Variants in SHROOM3 observed in about 807,000 individuals in gnomAD.
The protein encoded by SHROOM3 is protein Shroom3.
In SHROOM3, 47 loss-of-function variants were observed where a neutral mutation model predicts 138.6. The observed-to-expected ratio is 0.34, with a 90% CI of 0.27 to 0.43. SHROOM3 has a LOEUF of 0.43. Among genes scored for constraint, SHROOM3 ranks in the 20% least tolerant of loss-of-function variants. The pLI is 1.00. For missense variants in SHROOM3, 2,491 were observed against 2,596.5 expected, an observed-to-expected ratio of 0.96 and a Z score of 0.88; for synonymous variants, 1,062 against 1,063.3, an observed-to-expected ratio of 1.00 and a Z score of 0.02.
At chr4:76,750,224 G>A (rs962927280) in intron 6 of SHROOM3, among the ~76,000 whole-genome samples, 2 of 151,964 alleles carry the variant, frequency 1.3e-5, no homozygotes, top group African/African-American at 4.8e-5. Flanking sequence ...TAGAGACAAG[G>A]GAAAACTAAC....
In SHROOM3 at chr4:76,608,626, T is replaced by TATAGC. The variant is rs1303852174; in HGVS notation, c.323+52900_323+52904dup. Among the ~76,000 whole-genome samples the TATAGC allele has an allele frequency of 1.5e-4, 15 of 100,836 alleles. 1 individual carries two copies. The highest frequency in any genetic ancestry group is 6.5e-4 in the Admixed American group (7 of 10,764). 66.2% of individuals were successfully genotyped at this position (100,836 alleles called of 152,430 possible). A position where few individuals can be genotyped will look rare whatever the true frequency, so the allele number is the denominator to read the frequency against. ...ATAGCATAGCATTGGACAGAGATGG[T>TATAGC]ATAGCATAGCATAGCATAGCATAGC... On this transcript the variant is annotated intron_variant, in intron 2 of 10. Transcript: ENST00000296043.
chr4:76,630,728 A>G lies in SHROOM3; in HGVS notation c.323+74965A>G, dbSNP rs1577933228. Among the ~76,000 whole-genome samples, 4 of 152,346 alleles carry G rather than the reference A, an allele frequency of 2.6e-5. 1 individual carries two copies. The South Asian group carries it at 8.3e-4, about 32-fold the overall frequency. On this transcript the variant is annotated intron_variant, in intron 2 of 10. Coordinates refer to ENST00000296043, the MANE Select transcript of SHROOM3 (RefSeq NM_020859.4). Reference sequence around the variant, plus strand: ...TAGGCGACTCTGCCACGAGCTTTTGATGATTCTTAATGATAAATTGGAGAA... The same window carrying G: ...TAGGCGACTCTGCCACGAGCTTTTGGTGATTCTTAATGATAAATTGGAGAA...
chr4:76,693,377 T>TG lies in SHROOM3; in HGVS notation c.324-16779_324-16778insG, dbSNP rs1268002151. Reference sequence around the variant, plus strand: ...CTTCATTTTGATAAGTTTGTTTTTTTTTTTTTTTTTTTTTTTAAAGCAACA... The same window carrying TG: ...CTTCATTTTGATAAGTTTGTTTTTTTGTTTTTTTTTTTTTTTTAAAGCAACA... On this transcript the variant is annotated intron_variant, in intron 2 of 10. Transcript: ENST00000296043. 7.3e-4 allele frequency among the ~76,000 whole-genome samples: 92 copies of TG among 126,014 alleles called. 4 individuals carry two copies. The highest frequency in any genetic ancestry group is 3.0e-3 in the African/African-American group (91 of 29,910). The allele number at this position is 126,014 out of a possible 152,430, so 82.7% of individuals were successfully genotyped here.
intron 10 of SHROOM3, among the ~76,000 whole-genome samples, chr4:76,776,372 A>G (rs891807360): frequency 6.6e-6 from 1 of 152,218 alleles, no homozygotes; most frequent in Non-Finnish European, 1.5e-5. Flanking sequence ...ATAGTTTGCA[A>G]AGATTTTCTC....
At chr4:76,543,690 ACT>A (rs1387256141) in intron 1 of SHROOM3, among the ~76,000 whole-genome samples, 1 of 151,936 alleles carries the variant, frequency 6.6e-6, no homozygotes, top group East Asian at 1.9e-4. Context: ...GGGAAAGGAA[ACT>A]CTGAAGGATC....
At position 76,781,666 on chromosome 4, in the gene SHROOM3, T is replaced by C. The variant is rs1300959665; in HGVS notation, c.*2489T>C. 1 of 152,242 alleles carries C rather than the reference T, an allele frequency of 6.6e-6. No homozygotes were observed. Among genetic ancestry groups the C allele is most frequent in the Non-Finnish European group, 1.5e-5 (1 of 68,028 alleles). The allele number at this position is 152,242 out of a possible 1,614,324, so 9.4% of individuals were successfully genotyped here. ...GTAATAGGACTTGACCTCTGTACTT[T>C]AAAGAAATCACTAACCAAATTTTCA... On this transcript the variant is annotated 3_prime_UTR_variant, in exon 11 of 11. Transcript: ENST00000296043.
At chr4:76,554,740 G>A (rs1733444226) in intron 1 of SHROOM3, among the ~76,000 whole-genome samples, 1 of 152,006 alleles carries the variant, frequency 6.6e-6, no homozygotes, top group Admixed American at 6.6e-5. Context: ...AACTTCTAAT[G>A]TAACCCGTCC....
chr4:76,435,966 G>C lies in SHROOM3; in HGVS notation c.-87G>C. 6.9e-7 allele frequency: 1 copy of C among 1,448,322 alleles called. No individual in the cohort carries two copies. Among genetic ancestry groups the C allele is most frequent in the South Asian group, 1.2e-5 (1 of 80,874 alleles). 89.7% of individuals were successfully genotyped at this position (1,448,322 alleles called of 1,614,324 possible). Reference sequence around the variant, plus strand: ...CTTTTGGCCATTGTGTGTCCTGAAGGATGGGACAACTTGTGCTGTAGAAGC... The same window carrying C: ...CTTTTGGCCATTGTGTGTCCTGAAGCATGGGACAACTTGTGCTGTAGAAGC... On this transcript the variant is annotated 5_prime_UTR_variant, in exon 1 of 11. Coordinates refer to ENST00000296043, the MANE Select transcript of SHROOM3 (RefSeq NM_020859.4).
intron 3 of SHROOM3, among the ~76,000 whole-genome samples, chr4:76,717,474 G>C (rs867602104): frequency 6.6e-6 from 1 of 151,562 alleles, no homozygotes; most frequent in Admixed American, 6.6e-5. Flanking sequence ...TTTCCATTAC[G>C]TCTATGTTAC....
intron 1 of SHROOM3, among the ~76,000 whole-genome samples, chr4:76,493,962 A>C (rs1424589268): frequency 1.3e-5 from 2 of 152,204 alleles, no homozygotes; most frequent in Non-Finnish European, 2.9e-5. Flanking sequence ...TTGGGCAACA[A>C]GAGTGAAACT....
intron 1 of SHROOM3, among the ~76,000 whole-genome samples, chr4:76,521,956 C>T (rs1255754645): frequency 1.3e-5 from 2 of 152,082 alleles, no homozygotes; most frequent in Admixed American, 1.3e-4. Context: ...TCTTGTGGTT[C>T]CTGCCAAACA....
At chr4:76,643,481 G>A (rs1735733670) in intron 2 of SHROOM3, among the ~76,000 whole-genome samples, 1 of 152,130 alleles carries the variant, frequency 6.6e-6, no homozygotes, top group Non-Finnish European at 1.5e-5. Flanking sequence ...ACAAATGCCT[G>A]CTTCAGCAGG....
chr4:76,458,197 A>C (rs1027954841), intron 1 of SHROOM3, among the ~76,000 whole-genome samples: 1 of 152,368 alleles, frequency 6.6e-6, no homozygotes, highest in East Asian at 1.9e-4. Context: ...TCATATTCAT[A>C]TATTTTTGAG....
intron 1 of SHROOM3, among the ~76,000 whole-genome samples, chr4:76,526,256 A>G (rs1732686863): frequency 1.3e-5 from 2 of 152,096 alleles, no homozygotes; most frequent in African/African-American, 4.8e-5. Context: ...AATCCCAGCT[A>G]CTCGGGAGGC....
At position 76,617,288 on chromosome 4, in the gene SHROOM3, T is replaced by G. The variant is rs564462006; in HGVS notation, c.323+61525T>G. Among the ~76,000 whole-genome samples, 6 of 149,884 alleles carry G rather than the reference T, an allele frequency of 4.0e-5. No homozygotes were observed. In the South Asian group the frequency reaches 1.3e-3, roughly 32 times the overall value. On this transcript the variant is annotated intron_variant, in intron 2 of 10. Coordinates refer to ENST00000296043, the MANE Select transcript of SHROOM3 (RefSeq NM_020859.4). Reference sequence around the variant, plus strand: ...AGAACTGAGCATGGCAGATCATAGATTAATAATGCTAGCTGCTGTTGTTGT... The same window carrying G: ...AGAACTGAGCATGGCAGATCATAGAGTAATAATGCTAGCTGCTGTTGTTGT...
chr4:76,689,523 T>C (rs1469437854), intron 2 of SHROOM3: 35 of 983,356 alleles, frequency 3.6e-5, no homozygotes, highest in Middle Eastern at 5.2e-4. Flanking sequence ...CGTGCAGCTG[T>C]AGCCGCGGCG....
At chr4:76,439,913 A>G (rs1730633900) in intron 1 of SHROOM3, among the ~76,000 whole-genome samples, 1 of 152,244 alleles carries the variant, frequency 6.6e-6, no homozygotes, top group South Asian at 2.1e-4. Context: ...GGGTTGTGGA[A>G]AGCGCCTCTG....
At chr4:76,467,079 G>C (rs925575291) in intron 1 of SHROOM3, among the ~76,000 whole-genome samples, 2 of 145,846 alleles carry the variant, frequency 1.4e-5, no homozygotes, top group African/African-American at 2.5e-5. Context: ...GTCTCACTCT[G>C]TCACCCAGGC....
At chr4:76,751,851 C>T (rs1236062538) in intron 6 of SHROOM3, among the ~76,000 whole-genome samples, 2 of 152,180 alleles carry the variant, frequency 1.3e-5, no homozygotes, top group South Asian at 4.1e-4. Context: ...AAACCTTGCA[C>T]ACTGTTAGTG....
Sources: allele counts gnomAD v4.1 joint callset (sites outside exome capture counted in the v4.1 genomes callset), GRCh38; gene constraint gnomAD v4.1.1; transcripts MANE v1.5; gene names NCBI Gene and HGNC (gene_info 2026-07-23, HGNC 2026-07-21).